Variants in SGCZ observed in about 807,000 individuals in gnomAD.
SGCZ encodes zeta-sarcoglycan.
Under a neutral mutation model 41.3 loss-of-function variants are expected in SGCZ, and 40 were observed. The observed-to-expected ratio is 0.97, with a 90% CI of 0.75 to 1.26. SGCZ has a LOEUF of 1.26. Ranked by LOEUF, SGCZ falls within the 50% of genes most tolerant of loss-of-function variation. SGCZ has a pLI of 0.00. For missense variants in SGCZ, 552 were observed against 369.8 expected, an observed-to-expected ratio of 1.49 and a Z score of -4.04; for synonymous variants, 206 against 137.5, an observed-to-expected ratio of 1.50 and a Z score of -3.49.
chr8:14,919,543 G>A (rs1328426873), intron 1 of SGCZ, among the ~76,000 whole-genome samples: 1 of 152,076 alleles, frequency 6.6e-6, no homozygotes, highest in African/African-American at 2.4e-5. Flanking sequence ...TCACATAAAT[G>A]ATAAAAATTA....
intron 1 of SGCZ, among the ~76,000 whole-genome samples, chr8:15,214,163 C>T (rs562194744): frequency 5.3e-5 from 8 of 151,882 alleles, no homozygotes; most frequent in South Asian, 4.2e-4. Flanking sequence ...AAGTTAGGCA[C>T]CAAAAGTGGC....
At chr8:14,596,298 GTATATAGGATAATAATACCAT>G (rs1417301411) in intron 1 of SGCZ, among the ~76,000 whole-genome samples, 1 of 152,128 alleles carries the variant, frequency 6.6e-6, no homozygotes, top group Non-Finnish European at 1.5e-5. Context: ...ATTTTGCCTA[GTATATAGGATAATAATACCAT>G]AGATGATGTC....
chr8:15,068,794 TG>T (rs1805245430), intron 1 of SGCZ, among the ~76,000 whole-genome samples: 1 of 152,172 alleles, frequency 6.6e-6, no homozygotes, highest in African/African-American at 2.4e-5. Context: ...ATTTAAAAAA[TG>T]TCCTCAGCAA....
rs145673694 is a variant in SGCZ at position 14,452,297 on chromosome 8, G to A, written c.234+102435C>T. Among the ~76,000 whole-genome samples the A allele has an allele frequency of 1.6e-3, 246 of 152,140 alleles. 1 individual carries two copies. The highest frequency in any genetic ancestry group is 5.7e-3 in the African/African-American group (236 of 41,518). On this transcript the variant is annotated intron_variant, in intron 2 of 7. Coordinates refer to ENST00000382080, the MANE Select transcript of SGCZ (RefSeq NM_139167.4). ...AAAGTAAGATTAGTCACTGTCGGGG[G>A]GTGAGGGGAGGGACGAATTAACAGG...
chr8:14,391,224 C>T (rs2117217658), intron 2 of SGCZ, among the ~76,000 whole-genome samples: 1 of 152,212 alleles, frequency 6.6e-6, no homozygotes, highest in Middle Eastern at 3.4e-3. Context: ...CTTCTGTCAT[C>T]ATCAATGAAA....
At chr8:14,221,966 A>G (rs1331195807) in intron 4 of SGCZ, among the ~76,000 whole-genome samples, 2 of 144,758 alleles carry the variant, frequency 1.4e-5, no homozygotes, top group East Asian at 4.0e-4. Flanking sequence ...GTCTCAAAAG[A>G]AAAAAAAAAA....
chr8:14,626,376 G>C (rs1806454868), intron 1 of SGCZ, among the ~76,000 whole-genome samples: 1 of 151,876 alleles, frequency 6.6e-6, no homozygotes. Flanking sequence ...TTACTGTTTA[G>C]TTCCCACTTT....
At chr8:14,542,980 G>T (rs966474997) in intron 2 of SGCZ, among the ~76,000 whole-genome samples, 1 of 151,754 alleles carries the variant, frequency 6.6e-6, no homozygotes, top group Non-Finnish European at 1.5e-5. Context: ...GCTAGAAAGG[G>T]GGAAAACCAG....
intron 2 of SGCZ, among the ~76,000 whole-genome samples, chr8:14,492,215 AC>A (rs1178554002): frequency 6.6e-6 from 1 of 152,162 alleles, no homozygotes. Context: ...CATCATCACA[AC>A]CTTTTAAATA....
chr8:15,134,216 G>A (rs1808021527), intron 1 of SGCZ, among the ~76,000 whole-genome samples: 1 of 151,482 alleles, frequency 6.6e-6, no homozygotes, highest in African/African-American at 2.4e-5. Context: ...TATCATACCA[G>A]CTGGAAAAGG....
intron 1 of SGCZ, among the ~76,000 whole-genome samples, chr8:14,701,645 C>A (rs1264744004): frequency 6.6e-6 from 1 of 151,904 alleles, no homozygotes; most frequent in East Asian, 1.9e-4. Context: ...ATTCCTGCAG[C>A]TTTCTCTTCT....
At chr8:14,974,285 G>C (rs561337595) in intron 1 of SGCZ, among the ~76,000 whole-genome samples, 1 of 152,202 alleles carries the variant, frequency 6.6e-6, no homozygotes, top group South Asian at 2.1e-4. Context: ...AAATTCTATT[G>C]TATATAGTAT....
chr8:14,913,696 T>A (rs1799344118), intron 1 of SGCZ, among the ~76,000 whole-genome samples: 1 of 152,098 alleles, frequency 6.6e-6, no homozygotes, highest in Admixed American at 6.6e-5. Flanking sequence ...ATGTGTGGGA[T>A]ATATTTAATA....
At chr8:14,512,121 T>C (rs949847474) in intron 2 of SGCZ, among the ~76,000 whole-genome samples, 1 of 152,172 alleles carries the variant, frequency 6.6e-6, no homozygotes, top group African/African-American at 2.4e-5. Flanking sequence ...AGAGGATTTT[T>C]TGAGCTGAGT....
intron 2 of SGCZ, among the ~76,000 whole-genome samples, chr8:14,412,032 A>T (rs913735502): frequency 6.6e-6 from 1 of 152,118 alleles, no homozygotes; most frequent in Non-Finnish European, 1.5e-5. Context: ...TGTTCACAAC[A>T]ATATGACCAT....
At chr8:14,410,000 A>G (rs1041226091) in intron 2 of SGCZ, among the ~76,000 whole-genome samples, 1 of 152,144 alleles carries the variant, frequency 6.6e-6, no homozygotes, top group Admixed American at 6.6e-5. Context: ...GTAACCCTCC[A>G]TGGCCTGTTA....
chr8:14,629,196 C>T (rs1272964484), intron 1 of SGCZ, among the ~76,000 whole-genome samples: 1 of 152,060 alleles, frequency 6.6e-6, no homozygotes, highest in Non-Finnish European at 1.5e-5. Context: ...TATATGGCAG[C>T]CTTCCAATAC....
intron 2 of SGCZ, among the ~76,000 whole-genome samples, chr8:14,519,364 T>C (rs1007266914): frequency 3.3e-5 from 5 of 152,066 alleles, no homozygotes; most frequent in Non-Finnish European, 7.4e-5. Context: ...TAAAACTTTG[T>C]AATGAAGAAA....
At chr8:14,702,830 TAGATAGATA>T (rs1193260946) in intron 1 of SGCZ, among the ~76,000 whole-genome samples, 20 of 98,614 alleles carry the variant, frequency 2.0e-4, no homozygotes, top group South Asian at 3.3e-4. Flanking sequence ...GATAGATAGA[TAGATAGATA>T]GATAGATAGA....
Sources: gnomAD v4.1 joint callset for allele counts (sites outside exome capture counted in the v4.1 genomes callset) on GRCh38, gnomAD v4.1.1 for gene constraint, MANE v1.5 for transcripts, NCBI Gene and HGNC (gene_info 2026-07-23, HGNC 2026-07-21) for gene names.